The following BNC1 variants were observed in gnomAD, a reference collection of about 807,000 sequenced individuals.
The protein encoded by BNC1 is basonuclin zinc finger protein 1.
A neutral mutation model predicts 66.5 loss-of-function variants in BNC1; 8 were observed. The observed-to-expected ratio is 0.12, with a 90% CI of 0.07 to 0.22. The LOEUF is 0.22. BNC1 is among the 10% of genes least tolerant of loss of function. The pLI is 1.00. For synonymous variants in BNC1, 454 were observed against 452.6 expected, an observed-to-expected ratio of 1.00 and a Z score of -0.04; for missense variants, 1,069 against 1,241.3, an observed-to-expected ratio of 0.86 and a Z score of 2.09.
intron 1 of BNC1, among the ~76,000 whole-genome samples, chr15:83,281,418 C>A (rs2038377930): frequency 6.6e-6 from 1 of 152,142 alleles, no homozygotes; most frequent in Non-Finnish European, 1.5e-5. Context: ...TCCCTAAAAT[C>A]TTGATTTTAG....
At chr15:83,283,171 A>C (rs1170314687) in intron 1 of BNC1, 1 of 1,535,528 alleles carries the variant, frequency 6.5e-7, no homozygotes. Context: ...CGCAGCCACA[A>C]AGAGATGCCT....
chr15:83,268,266 T>A (rs1165609186), intron 1 of BNC1, 34 bp from the exon 2 acceptor site: 1 of 1,526,802 alleles, frequency 6.5e-7, no homozygotes. Flanking sequence ...ATGTGGAGCA[T>A]GTAAGTGATG....
chr15:83,283,230 G>A (rs749550890), intron 1 of BNC1: 1 of 1,535,638 alleles, frequency 6.5e-7, no homozygotes, highest in African/African-American at 1.4e-5. Flanking sequence ...AGTTTGGCTC[G>A]GAGCTACGCG....
At chr15:83,282,494 T>C (rs2038389055) in intron 1 of BNC1, among the ~76,000 whole-genome samples, 1 of 152,260 alleles carries the variant, frequency 6.6e-6, no homozygotes, top group Admixed American at 6.5e-5. Context: ...TCTGAAGTAA[T>C]GTTCTTTTAT....
intron 3 of BNC1, 94 bp downstream of exon 3, chr15:83,266,742 G>T (rs927432686): frequency 9.1e-7 from 1 of 1,100,128 alleles, no homozygotes; most frequent in Non-Finnish European, 1.4e-6. Context: ...GGCCACCAAG[G>T]GCTGTAGCAT....
rs771060183 is a variant in BNC1, at chr15:83,257,999, AAGCCACATCCTGATAGGCTTCCTT to A, written c.2404_2427del (p.Lys802_Ala809del). On this transcript the variant is annotated inframe_deletion, in exon 5 of 5. Coordinates refer to ENST00000345382, the MANE Select transcript of BNC1 (RefSeq NM_001717.4). The stretch of plus-strand genomic sequence containing the variant: ...GATGTCTGGGAGGCTTGCTGTGTAA[AAGCCACATCCTGATAGGCTTCCTT>A]AGCCACATCTTTCAGAAGGTAAGCT... 25 of 1,614,030 alleles carry A rather than the reference AAGCCACATCCTGATAGGCTTCCTT, an allele frequency of 1.5e-5. No individual in the cohort carries two copies. In the East Asian group the frequency reaches 5.6e-4, roughly 36 times the overall value.
In BNC1 at chr15:83,277,731, T is replaced by C. The variant is rs527615929; in HGVS notation, c.99+6799A>G. ...TCTTTTAAAGCAGCTGGGCTACCTT[T>C]GGTGTCTAGGTGGAGAGCCTGGCTT... On this transcript the variant is annotated intron_variant, in intron 1 of 4. Transcript: ENST00000345382. 4.6e-5 allele frequency among the ~76,000 whole-genome samples: 7 copies of C among 152,332 alleles called. No individual in the cohort carries two copies. In the South Asian group the frequency reaches 1.5e-3, roughly 32 times the overall value.
intron 4 of BNC1, among the ~76,000 whole-genome samples, chr15:83,261,911 G>T (rs759568852): frequency 3.9e-5 from 6 of 152,094 alleles, no homozygotes; most frequent in Non-Finnish European, 8.8e-5. Flanking sequence ...TTTATTCTAT[G>T]GATTTCATAT....
At chr15:83,269,263 C>T (rs2038247053) in intron 1 of BNC1, among the ~76,000 whole-genome samples, 2 of 152,098 alleles carry the variant, frequency 1.3e-5, no homozygotes, top group African/African-American at 4.8e-5. Context: ...CACAAAGCTT[C>T]ACGTATATTT....
chr15:83,266,886 G>A lies in BNC1; in HGVS notation c.385C>T (p.His129Tyr), dbSNP rs769201545. 25 of 1,614,080 alleles carry A rather than the reference G, an allele frequency of 1.5e-5. No individual in the cohort carries two copies. In the South Asian group the frequency reaches 1.8e-4, roughly 11 times the overall value. The stretch of plus-strand genomic sequence containing the variant: ...TCCTGAAGTGTCCAGTCCAAGGCAT[G>A]GAGGATCTGGAGAACCTCATCTTGC... The part of the protein sequence containing the change: ...LKQDEVLQIL[H>Y]ALDWTLQDYI... Residue 129 changes from histidine (H) to tyrosine (Y), a missense_variant, in exon 3 of 5, where the codon CAT (histidine) becomes TAT (tyrosine). By Grantham distance (83) the His-to-Tyr change is moderately conservative. Transcript: ENST00000345382.
At chr15:83,282,863 C>T (rs1223737747) in intron 1 of BNC1, among the ~76,000 whole-genome samples, 2 of 152,168 alleles carry the variant, frequency 1.3e-5, no homozygotes, top group Non-Finnish European at 2.9e-5. Flanking sequence ...TGTTCTCTCT[C>T]CCTCACACAC....
At chr15:83,283,349 T>C in intron 1 of BNC1, 5 of 1,344,402 alleles carry the variant, frequency 3.7e-6, no homozygotes, top group Middle Eastern at 2.8e-4. Flanking sequence ...GCTCCGGGTC[T>C]GGGCGGCGGC....
At chr15:83,284,105 A>C (rs2038416022) in intron 1 of BNC1, among the ~76,000 whole-genome samples, 1 of 151,914 alleles carries the variant, frequency 6.6e-6, no homozygotes, top group Non-Finnish European at 1.5e-5. Flanking sequence ...GTAAAAGAAA[A>C]AAAAAAAAAG....
intron 1 of BNC1, chr15:83,283,331 G>A (rs2038402878): frequency 6.8e-7 from 1 of 1,473,350 alleles, no homozygotes. Context: ...AAGCCAGGCG[G>A]CGGCGGGGCT....
chr15:83,276,259 A>G (rs2038322112), intron 1 of BNC1, among the ~76,000 whole-genome samples: 1 of 152,172 alleles, frequency 6.6e-6, no homozygotes, highest in South Asian at 2.1e-4. Flanking sequence ...TGGTTGTCCG[A>G]CTCTGCACAG....
Position 83,257,807 on chromosome 15 carries a change from AGG to A in BNC1, c.2618_2619del (p.Ser873LeufsTer4). On this transcript the variant is annotated frameshift_variant, in exon 5 of 5. Coordinates refer to ENST00000345382, the MANE Select transcript of BNC1 (RefSeq NM_001717.4). LOFTEE classifies it high-confidence loss of function. ...SMKSESSSHSSWDSDGVSEEG... is the reference protein window; with the variant it reads ...SMKSESSSHSXWDSDGVSEEG... The stretch of plus-strand genomic sequence containing the variant: ...TCCTCACTCACCCCGTCAGAGTCCC[AGG>A]AAGAATGGCTGCTACTCTCTGACTT... 3 of 1,614,182 alleles carry A rather than the reference AGG, an allele frequency of 1.9e-6. No individual in the cohort carries two copies. The highest frequency in any genetic ancestry group is 2.5e-6 in the Non-Finnish European group (3 of 1,180,026).
chr15:83,263,422 T>G lies in BNC1; in HGVS notation c.1829A>C (p.His610Pro). The G allele has an allele frequency of 6.2e-7, 1 of 1,614,228 alleles. No individual in the cohort carries two copies. The highest frequency in any genetic ancestry group is 1.1e-5 in the South Asian group (1 of 91,088). ...KPFPEGERPC[H>P]RESVIESSGA... ...ACTGGACTCAATTACTGATTCACGATGGCAGGGCCTCTCCCCTTCAGGGAA... is the reference window on the plus strand; with the variant it reads ...ACTGGACTCAATTACTGATTCACGAGGGCAGGGCCTCTCCCCTTCAGGGAA... Residue 610 changes from histidine (H) to proline (P), a missense_variant, in exon 4 of 5, where the codon CAT becomes CCT. His to Pro is a moderately conservative substitution (Grantham distance 77). Around this residue, in one of 7 missense-constraint regions of BNC1, gnomAD observed 657 missense variants for 715.8 expected, o/e 0.92. Transcript: ENST00000345382.
intron 1 of BNC1, chr15:83,283,158 C>T: frequency 6.5e-7 from 1 of 1,535,650 alleles, no homozygotes; most frequent in Non-Finnish European, 8.7e-7. Context: ...GCGGTGGCAG[C>T]CCCGCAGCCA....
Position 83,257,569 on chromosome 15 carries a change from C to T in BNC1, c.2858G>A (p.Arg953Gln), listed in dbSNP as rs150245231. Reference sequence around the variant, plus strand: ...TGGTACTTTGCATTTGTGGAGCTGCCGGAGGTGCACAGTTTTGTAGTGGGC... The same window carrying T: ...TGGTACTTTGCATTTGTGGAGCTGCTGGAGGTGCACAGTTTTGTAGTGGGC... ...FRAHYKTVHL[R>Q]QLHKCKVPGC... The change falls in exon 5 of 5, where the codon CGG becomes CAG. Residue 953 changes from arginine to glutamine, a missense_variant. Coordinates refer to ENST00000345382, the MANE Select transcript of BNC1 (RefSeq NM_001717.4). 112 of 1,613,904 alleles carry T rather than the reference C, an allele frequency of 6.9e-5. No individual in the cohort carries two copies. The highest frequency in any genetic ancestry group is 1.6e-4 in the South Asian group (15 of 91,060).
Sources: gnomAD v4.1 joint callset for allele counts (sites outside exome capture counted in the v4.1 genomes callset) on GRCh38, gnomAD v4.1.1 for gene constraint, gnomAD v4.1.1 regional missense constraint, MANE v1.5 for transcripts, NCBI Gene and HGNC (gene_info 2026-07-23, HGNC 2026-07-21) for gene names.